Variants in NELL1 observed in about 807,000 individuals in gnomAD.
The protein encoded by NELL1 is neural EGFL like 1, also known as protein kinase C-binding protein NELL1.
A neutral mutation model predicts 107.4 loss-of-function variants in NELL1; 76 were observed. The observed-to-expected ratio is 0.71, with a 90% CI of 0.59 to 0.86. The LOEUF is 0.86. NELL1 is among the 40% of genes least tolerant of loss of function. The probability of loss-of-function intolerance (pLI) is 0.00; values close to 1 mark genes in which losing one functional copy is unlikely to be tolerated. For synonymous variants in NELL1, 353 were observed against 341.2 expected, an observed-to-expected ratio of 1.03 and a Z score of -0.38; for missense variants, 1,024 against 1,005.5, an observed-to-expected ratio of 1.02 and a Z score of -0.25.
chr11:21,296,996 AT>A (rs887355599), intron 14 of NELL1, among the ~76,000 whole-genome samples: 17 of 151,178 alleles, frequency 1.1e-4, no homozygotes, highest in African/African-American at 3.9e-4. Context: ...TTGGTCTAGA[AT>A]TTTTTTTCAT....
At chr11:20,849,725 A>G (rs1339770425) in intron 4 of NELL1, among the ~76,000 whole-genome samples, 1 of 152,218 alleles carries the variant, frequency 6.6e-6, no homozygotes, top group African/African-American at 2.4e-5. Context: ...TACATTTTTC[A>G]GGTAGGTCAG....
intron 15 of NELL1, among the ~76,000 whole-genome samples, chr11:21,437,576 C>G (rs1307562939): frequency 1.3e-5 from 2 of 152,186 alleles, no homozygotes; most frequent in African/African-American, 4.8e-5. Flanking sequence ...TCACTCTGGT[C>G]TCGAACTCCC....
At chr11:21,507,526 G>T (rs1036762370) in intron 15 of NELL1, among the ~76,000 whole-genome samples, 1 of 152,126 alleles carries the variant, frequency 6.6e-6, no homozygotes, top group Non-Finnish European at 1.5e-5. Context: ...GATTCAAATA[G>T]ATACTTCAGT....
At chr11:21,080,510 AT>A (rs1468495694) in intron 12 of NELL1, among the ~76,000 whole-genome samples, 2 of 152,118 alleles carry the variant, frequency 1.3e-5, no homozygotes, top group Non-Finnish European at 2.9e-5. Context: ...AACATATAGA[AT>A]CATATTATAT....
chr11:20,826,801 C>T (rs1415470527), intron 3 of NELL1, among the ~76,000 whole-genome samples: 6 of 151,150 alleles, frequency 4.0e-5, no homozygotes, highest in Non-Finnish European at 5.9e-5. Context: ...CTTAAATTTG[C>T]TTGTTCAGGT....
At chr11:20,799,536 C>G (rs1342910074) in intron 3 of NELL1, among the ~76,000 whole-genome samples, 1 of 152,126 alleles carries the variant, frequency 6.6e-6, no homozygotes, top group African/African-American at 2.4e-5. Context: ...TTTAGTTCTC[C>G]TTTCCCCCTT....
rs1460324283 is a variant in NELL1, at chr11:20,947,323, A to G, written c.1072-13A>G. 1 of 1,587,814 alleles carries G rather than the reference A, an allele frequency of 6.3e-7. No individual in the cohort carries two copies. Among genetic ancestry groups the G allele is most frequent in the Non-Finnish European group, 8.6e-7 (1 of 1,156,260 alleles). On this transcript the variant is annotated splice_polypyrimidine_tract_variant and intron_variant, in intron 10 of 19. Coordinates refer to ENST00000357134, the MANE Select transcript of NELL1 (RefSeq NM_006157.5). ...GTGAACATCTTTTTCTTTCCCTAAT[A>G]TTTGGCTTCCAGGGTGGAGTTTTAG...
chr11:20,865,156 G>A (rs925785418), intron 4 of NELL1, among the ~76,000 whole-genome samples: 9 of 152,216 alleles, frequency 5.9e-5, no homozygotes, highest in Admixed American at 1.3e-4. Flanking sequence ...GGCTTCACTT[G>A]TAGGAGCTCT....
At position 20,871,046 on chromosome 11, in the gene NELL1, G is replaced by A. The variant is rs1480270968; in HGVS notation, c.507-14398G>A. The stretch of plus-strand genomic sequence containing the variant: ...TTGTAGACAGCAGCTGAGAGAAAGA[G>A]TAAAAAAAGCACCGCTTGGTAGTTA... On this transcript the variant is annotated intron_variant, in intron 4 of 19. Coordinates refer to ENST00000357134, the MANE Select transcript of NELL1 (RefSeq NM_006157.5). Among the ~76,000 whole-genome samples the A allele has an allele frequency of 2.6e-5, 4 of 152,284 alleles. No individual in the cohort carries two copies. In the East Asian group the frequency reaches 7.7e-4, roughly 29 times the overall value.
intron 15 of NELL1, among the ~76,000 whole-genome samples, chr11:21,484,753 A>G (rs1481053719): frequency 6.6e-6 from 1 of 152,094 alleles, no homozygotes; most frequent in Non-Finnish European, 1.5e-5. Flanking sequence ...AAACATCTCA[A>G]TTTCATAGGA....
chr11:20,949,163 C>A (rs1213829507), intron 11 of NELL1, among the ~76,000 whole-genome samples: 2 of 152,186 alleles, frequency 1.3e-5, no homozygotes, highest in African/African-American at 4.8e-5. Flanking sequence ...CAGCCTGTAA[C>A]TGTTGACCCC....
At chr11:21,040,138 C>T (rs1336433040) in intron 12 of NELL1, among the ~76,000 whole-genome samples, 5 of 148,836 alleles carry the variant, frequency 3.4e-5, no homozygotes, top group African/African-American at 4.9e-5. Context: ...TTTTTTTTTA[C>T]AGGTTGAAAT....
chr11:21,407,074 A>G (rs143279633), intron 15 of NELL1, among the ~76,000 whole-genome samples: 42 of 152,118 alleles, frequency 2.8e-4, no homozygotes, highest in Non-Finnish European at 4.6e-4. Flanking sequence ...TAACTTATTT[A>G]TGTTTGATTG....
chr11:21,455,329 T>G (rs1345993272), intron 15 of NELL1, among the ~76,000 whole-genome samples: 1 of 144,946 alleles, frequency 6.9e-6, no homozygotes, highest in Non-Finnish European at 1.5e-5. Flanking sequence ...TCTTTTTTTT[T>G]TTTTTTTTAA....
intron 15 of NELL1, among the ~76,000 whole-genome samples, chr11:21,383,461 C>A (rs1851659932): frequency 6.6e-6 from 1 of 151,550 alleles, no homozygotes; most frequent in Admixed American, 6.6e-5. Flanking sequence ...AAGATAAAGT[C>A]CAACTTACAT....
intron 15 of NELL1, among the ~76,000 whole-genome samples, chr11:21,477,062 C>T (rs1033051154): frequency 3.9e-5 from 6 of 152,168 alleles, no homozygotes; most frequent in Non-Finnish European, 7.3e-5. Flanking sequence ...ACTTCTTGTG[C>T]TTTGCTAGGC....
intron 2 of NELL1, among the ~76,000 whole-genome samples, chr11:20,772,663 G>A (rs1393368569): frequency 1.3e-5 from 2 of 149,158 alleles, no homozygotes; most frequent in Non-Finnish European, 1.5e-5. Flanking sequence ...TGGAAGGTGA[G>A]TGTTACAGAT....
chr11:21,210,889 C>A (rs374377442), intron 13 of NELL1, among the ~76,000 whole-genome samples: 12 of 152,264 alleles, frequency 7.9e-5, no homozygotes, highest in African/African-American at 2.9e-4. Flanking sequence ...TTCTTCTTGA[C>A]CTGTCTACAG....
At chr11:20,863,397 T>TG (rs1849022578) in intron 4 of NELL1, among the ~76,000 whole-genome samples, 3 of 78,206 alleles carry the variant, frequency 3.8e-5, no homozygotes, top group Non-Finnish European at 3.7e-5. Context: ...ACGGGGTGGC[T>TG]GCCAGGCGGA....
Sources: allele counts gnomAD v4.1 joint callset (sites outside exome capture counted in the v4.1 genomes callset), GRCh38; gene constraint gnomAD v4.1.1; transcripts MANE v1.5; gene names NCBI Gene and HGNC (gene_info 2026-07-23, HGNC 2026-07-21).